Variants in CTNNA2 observed in about 807,000 individuals in gnomAD.
CTNNA2 encodes catenin alpha 2, also known as catenin alpha-2.
In CTNNA2, 42 loss-of-function variants were observed where a neutral mutation model predicts 101.0. The observed-to-expected ratio is 0.42, with a 90% CI of 0.32 to 0.54. The LOEUF (loss-of-function observed/expected upper bound fraction) is 0.54. Among genes scored for constraint, CTNNA2 ranks in the 20% least tolerant of loss-of-function variants. The pLI, the probability that CTNNA2 is intolerant of heterozygous loss-of-function variation, is 0.14. For missense variants in CTNNA2, 871 were observed against 1,223.1 expected (o/e 0.71, Z 4.29); for synonymous variants, 450 against 456.4 (o/e 0.99, Z 0.18).
intron 12 of CTNNA2, 87 bp from the exon 13 acceptor site, chr2:80,574,076 C>T (rs1306524433): frequency 1.1e-5 from 15 of 1,423,192 alleles, no homozygotes; most frequent in East Asian, 2.3e-5. Context: ...TTAGAATGCC[C>T]GAGGACCTGC....
At chr2:79,824,150 A>G (rs952198568) in intron 3 of CTNNA2, among the ~76,000 whole-genome samples, 1 of 152,208 alleles carries the variant, frequency 6.6e-6, no homozygotes, top group Non-Finnish European at 1.5e-5. Flanking sequence ...TGAGAGCCCA[A>G]ATAATGGTGA....
At chr2:80,638,871 T>A (rs996204915) in intron 18 of CTNNA2, among the ~76,000 whole-genome samples, 2 of 152,174 alleles carry the variant, frequency 1.3e-5, no homozygotes, top group African/African-American at 4.8e-5. Flanking sequence ...AAGTGGTAAA[T>A]TCCTCAGCAA....
chr2:79,406,779 T>C (rs1201155316), intron 4 of CTNNA2, among the ~76,000 whole-genome samples: 1 of 151,942 alleles, frequency 6.6e-6, no homozygotes, highest in African/African-American at 2.4e-5. Context: ...ACATCACATA[T>C]CAACCTTTCA....
intron 8 of CTNNA2, among the ~76,000 whole-genome samples, chr2:80,400,456 G>A (rs912394930): frequency 5.9e-5 from 9 of 152,254 alleles, no homozygotes; most frequent in Admixed American, 3.3e-4. Flanking sequence ...GCTGATGGCT[G>A]AGGGAGTTCA....
chr2:80,413,966 A>T (rs1679814771), intron 8 of CTNNA2, among the ~76,000 whole-genome samples: 1 of 152,222 alleles, frequency 6.6e-6, no homozygotes, highest in Non-Finnish European at 1.5e-5. Context: ...GACAGGGTAG[A>T]TGTTAAATGG....
intron 2 of CTNNA2, among the ~76,000 whole-genome samples, chr2:79,309,668 G>A (rs984729135): frequency 2.6e-5 from 4 of 152,126 alleles, no homozygotes; most frequent in African/African-American, 9.7e-5. Flanking sequence ...ATTTAAACTG[G>A]TCTAATTAGG....
At chr2:79,188,827 GAA>G (rs1421693606) in intron 1 of CTNNA2, among the ~76,000 whole-genome samples, 2 of 152,166 alleles carry the variant, frequency 1.3e-5, no homozygotes, top group African/African-American at 4.8e-5. Context: ...CTCAAAGAGA[GAA>G]CTTTATTAAT....
intron 7 of CTNNA2, among the ~76,000 whole-genome samples, chr2:79,982,010 G>C (rs967904621): frequency 2.7e-5 from 4 of 150,234 alleles, no homozygotes; most frequent in Non-Finnish European, 4.4e-5. Flanking sequence ...AAACAGCCAA[G>C]TTCTTGGTTC....
In CTNNA2 at chr2:80,589,299, C is replaced by T. The variant is rs753510779; in HGVS notation, c.2008-5C>T. 1.3e-4 allele frequency: 207 copies of T among 1,613,438 alleles called. No homozygotes were observed. The highest frequency in any genetic ancestry group is 1.7e-4 in the Non-Finnish European group (197 of 1,179,682). ...TCACTCACGCTTTTTCTGTAACCCACGCAGGCCATCATGGCGCAACTACCG... is the reference window on the plus strand; with the variant it reads ...TCACTCACGCTTTTTCTGTAACCCATGCAGGCCATCATGGCGCAACTACCG... On this transcript the variant is annotated splice_polypyrimidine_tract_variant and splice_region_variant and intron_variant, in intron 14 of 18. Transcript: ENST00000402739.
chr2:80,355,532 T>G (rs1027237343), intron 7 of CTNNA2, among the ~76,000 whole-genome samples: 1 of 152,174 alleles, frequency 6.6e-6, no homozygotes, highest in Non-Finnish European at 1.5e-5. Context: ...CTTCTTGCTA[T>G]GTAAGAACAA....
chr2:79,257,099 G>A (rs182121020), intron 2 of CTNNA2, among the ~76,000 whole-genome samples: 16 of 152,254 alleles, frequency 1.1e-4, no homozygotes, highest in Admixed American at 5.2e-4. Flanking sequence ...TGTTTCAGCC[G>A]CTGATACGTG....
chr2:79,863,412 GT>G (rs1681782308), intron 4 of CTNNA2, among the ~76,000 whole-genome samples: 1 of 152,116 alleles, frequency 6.6e-6, no homozygotes, highest in African/African-American at 2.4e-5. Flanking sequence ...ACTAAATGAG[GT>G]TTGCCTCTCC....
At chr2:79,437,722 T>C (rs1284870207) in intron 4 of CTNNA2, among the ~76,000 whole-genome samples, 1 of 152,210 alleles carries the variant, frequency 6.6e-6, no homozygotes, top group African/African-American at 2.4e-5. Flanking sequence ...CCTTTCCCAG[T>C]GGGGTGTCTA....
intron 9 of CTNNA2, among the ~76,000 whole-genome samples, chr2:80,493,808 TGA>T (rs1040657915): frequency 1.3e-5 from 2 of 152,224 alleles, no homozygotes; most frequent in African/African-American, 4.8e-5. Context: ...AATAGGCTGA[TGA>T]ACTTGTAAAG....
At chr2:79,242,639 AAGGTATTGG>A (rs1199861080) in intron 2 of CTNNA2, among the ~76,000 whole-genome samples, 3 of 152,142 alleles carry the variant, frequency 2.0e-5, no homozygotes, top group Admixed American at 2.0e-4. Flanking sequence ...CCATTCCACG[AAGGTATTGG>A]AGAGCTATTA....
intron 4 of CTNNA2, among the ~76,000 whole-genome samples, chr2:79,500,066 T>TCATG (rs1233400974): frequency 2.6e-5 from 4 of 152,168 alleles, no homozygotes; most frequent in Non-Finnish European, 4.4e-5. Context: ...TACTCAAAGG[T>TCATG]CATGGATTTA....
At chr2:79,943,199 A>C (rs1688278450) in intron 7 of CTNNA2, among the ~76,000 whole-genome samples, 2 of 152,162 alleles carry the variant, frequency 1.3e-5, no homozygotes, top group Admixed American at 1.3e-4. Flanking sequence ...CCTGGGCAAC[A>C]AAAGCGAGCG....
intron 2 of CTNNA2, among the ~76,000 whole-genome samples, chr2:79,690,257 A>G (rs1684199988): frequency 6.6e-6 from 1 of 152,096 alleles, no homozygotes; most frequent in African/African-American, 2.4e-5. Context: ...ACTTTTCATT[A>G]GAAACATGAA....
chr2:79,714,010 G>A (rs1403704560), intron 2 of CTNNA2, among the ~76,000 whole-genome samples: 2 of 152,004 alleles, frequency 1.3e-5, no homozygotes, highest in African/African-American at 4.8e-5. Flanking sequence ...CCTTGACATG[G>A]GCTTTACGAA....
Sources: gnomAD v4.1 joint callset for allele counts (sites outside exome capture counted in the v4.1 genomes callset) on GRCh38, gnomAD v4.1.1 for gene constraint, MANE v1.5 for transcripts, NCBI Gene and HGNC (gene_info 2026-07-23, HGNC 2026-07-21) for gene names.